Variants in WDPCP observed in about 807,000 individuals in gnomAD.
WDPCP encodes the protein WD repeat-containing and planar cell polarity effector protein fritz homolog.
A neutral mutation model predicts 93.1 loss-of-function variants in WDPCP; 71 were observed. That is an observed-to-expected ratio of 0.76 (90% CI 0.63 to 0.93). WDPCP has a LOEUF of 0.93. WDPCP is among the 40% of genes least tolerant of loss of function. The pLI is 0.00. For synonymous variants in WDPCP, 315 were observed against 315.0 expected (o/e 1.00, Z 0.00); for missense variants, 844 against 887.4 (o/e 0.95, Z 0.62).
At chr2:63,569,747 C>T (rs1254868229) in intron 1 of WDPCP, among the ~76,000 whole-genome samples, 1 of 152,142 alleles carries the variant, frequency 6.6e-6, no homozygotes, top group East Asian at 1.9e-4. Context: ...ACTATTTCCC[C>T]CCAAATTCCC....
chr2:63,541,941 T>C (rs1043569049), intron 1 of WDPCP, among the ~76,000 whole-genome samples: 5 of 152,166 alleles, frequency 3.3e-5, no homozygotes, highest in Non-Finnish European at 7.4e-5. Context: ...AAATTCTTTA[T>C]AAAGCCTAAA....
chr2:63,416,381 A>G (rs1695421152), intron 9 of WDPCP, among the ~76,000 whole-genome samples: 1 of 148,410 alleles, frequency 6.7e-6, no homozygotes, highest in Non-Finnish European at 1.5e-5. Flanking sequence ...TGTATTTTTA[A>G]TAGAGACAGG....
chr2:63,163,800 A>G (rs750072684), intron 15 of WDPCP, among the ~76,000 whole-genome samples: 2 of 152,112 alleles, frequency 1.3e-5, no homozygotes, highest in African/African-American at 2.4e-5. Context: ...TGTTTTGTAA[A>G]CACTGAAAAT....
At chr2:63,702,383 T>C (rs2103711744) in intron 2 of WDPCP, among the ~76,000 whole-genome samples, 1 of 152,274 alleles carries the variant, frequency 6.6e-6, no homozygotes, top group Admixed American at 6.5e-5. Context: ...TCTTTACAAA[T>C]TATATATACC....
rs75227837 is a variant in WDPCP at position 63,781,975 on chromosome 2, G to A, written n.308+31647C>T. On this transcript the variant is annotated intron_variant and non_coding_transcript_variant, in intron 2 of 4. Transcript: ENST00000467687. ...ACTTAGAGCAATGACATTCCCTCAG[G>A]ACTGGGAAATGCAGAGAGAATTGGG... Among the ~76,000 whole-genome samples the A allele has an allele frequency of 5.9e-3, 863 of 147,044 alleles. 11 individuals are homozygous for A. The highest frequency in any genetic ancestry group is 0.02 in the African/African-American group (826 of 40,798).
At chr2:63,496,932 C>CA (rs1701254116) in intron 1 of WDPCP, among the ~76,000 whole-genome samples, 1 of 151,522 alleles carries the variant, frequency 6.6e-6, no homozygotes, top group Non-Finnish European at 1.5e-5. Flanking sequence ...GCCTTCATGG[C>CA]AAAACCCCAT....
At chr2:63,510,639 AT>A (rs1370479148) in intron 1 of WDPCP, among the ~76,000 whole-genome samples, 1 of 152,206 alleles carries the variant, frequency 6.6e-6, no homozygotes, top group Non-Finnish European at 1.5e-5. Context: ...AGGAAATCAA[AT>A]TATCTCTGTT....
At chr2:63,152,107 T>C (rs926128413) in intron 17 of WDPCP, among the ~76,000 whole-genome samples, 5 of 152,016 alleles carry the variant, frequency 3.3e-5, no homozygotes, top group African/African-American at 1.2e-4. Context: ...TTATAAAAAT[T>C]ATATGTAATA....
intron 14 of WDPCP, among the ~76,000 whole-genome samples, chr2:63,241,726 T>C (rs1281931964): frequency 6.6e-6 from 1 of 152,138 alleles, no homozygotes; most frequent in Non-Finnish European, 1.5e-5. Context: ...GCTTCTCAAG[T>C]AGCTAGATTA....
intron 1 of WDPCP, among the ~76,000 whole-genome samples, chr2:63,557,477 T>G (rs1407226859): frequency 6.6e-6 from 1 of 152,212 alleles, no homozygotes; most frequent in Non-Finnish European, 1.5e-5. Flanking sequence ...TAAACATATA[T>G]GCACCCAATA....
intron 17 of WDPCP, among the ~76,000 whole-genome samples, chr2:63,139,564 G>A (rs773457209): frequency 1.3e-5 from 2 of 152,104 alleles, no homozygotes; most frequent in Non-Finnish European, 2.9e-5. Context: ...GTATTTCCCT[G>A]ATCATTAGTG....
rs1055686777 is a variant in WDPCP at position 63,479,534 on chromosome 2, C to T, written c.384+5070G>A. On this transcript the variant is annotated intron_variant, in intron 6 of 17. Transcript: ENST00000272321. ...AGGGATGCAAGGATAATTTAACATA[C>T]TCAATTCAATAAATGTGATACACTG... Among the ~76,000 whole-genome samples the T allele has an allele frequency of 4.1e-4, 63 of 152,150 alleles. 3 individuals carry two copies. The highest frequency in any genetic ancestry group is 3.8e-3 in the Admixed American group (58 of 15,250).
chr2:63,391,001 A>G (rs1332546127), intron 10 of WDPCP, among the ~76,000 whole-genome samples: 5 of 152,186 alleles, frequency 3.3e-5, no homozygotes, highest in African/African-American at 7.2e-5. Flanking sequence ...AACTATTCCA[A>G]TCAATAGAAA....
intron 3 of WDPCP, among the ~76,000 whole-genome samples, chr2:63,639,832 A>T (rs1558872948): frequency 6.6e-6 from 1 of 152,248 alleles, no homozygotes; most frequent in Non-Finnish European, 1.5e-5. Context: ...TGGAGAAACT[A>T]GATCACTCAC....
At chr2:63,657,940 T>A (rs979919543) in intron 2 of WDPCP, among the ~76,000 whole-genome samples, 6 of 152,120 alleles carry the variant, frequency 3.9e-5, no homozygotes, top group Admixed American at 6.5e-5. Flanking sequence ...TTGCTTTATA[T>A]CTGCTTAATT....
chr2:63,652,465 G>T (rs566251513), intron 2 of WDPCP, among the ~76,000 whole-genome samples: 2 of 152,328 alleles, frequency 1.3e-5, no homozygotes, highest in South Asian at 4.1e-4. Flanking sequence ...GAATTCACTT[G>T]CTTGAAATCA....
At chr2:63,239,692 T>C (rs983796669) in intron 14 of WDPCP, among the ~76,000 whole-genome samples, 2 of 152,188 alleles carry the variant, frequency 1.3e-5, no homozygotes, top group African/African-American at 4.8e-5. Flanking sequence ...AGCTAATATA[T>C]GTTAAATCAT....
At chr2:63,219,782 C>T (rs929161525) in intron 14 of WDPCP, among the ~76,000 whole-genome samples, 10 of 152,032 alleles carry the variant, frequency 6.6e-5, no homozygotes, top group Admixed American at 1.3e-4. Flanking sequence ...GGGCAGATCA[C>T]GAGGTCAGGA....
chr2:63,135,075 A>G (rs1329419666), intron 17 of WDPCP, among the ~76,000 whole-genome samples: 1 of 152,184 alleles, frequency 6.6e-6, no homozygotes, highest in Non-Finnish European at 1.5e-5. Flanking sequence ...GTGAGCTGAG[A>G]TCGCACCACT....
Sources: gnomAD v4.1 joint callset for allele counts (sites outside exome capture counted in the v4.1 genomes callset) on GRCh38, gnomAD v4.1.1 for gene constraint, MANE v1.5 for transcripts, NCBI Gene and HGNC (gene_info 2026-07-23, HGNC 2026-07-21) for gene names.